Variants in ATP8B4 observed in about 807,000 individuals in gnomAD.
The protein encoded by ATP8B4 is ATPase phospholipid transporting 8B4 (putative).
A neutral mutation model predicts 145.6 loss-of-function variants in ATP8B4; 133 were observed. That is an observed-to-expected ratio of 0.91 (90% CI 0.79 to 1.05). ATP8B4 has a LOEUF of 1.05. Ranked by LOEUF, ATP8B4 falls within the 50% of genes least tolerant of loss-of-function variation. ATP8B4 has a pLI of 0.00. For missense variants in ATP8B4, 1,458 were observed against 1,425.2 expected (o/e 1.02, Z -0.37); for synonymous variants, 507 against 492.9 (o/e 1.03, Z -0.38).
chr15:49,966,697 C>T (rs2044579994), intron 13 of ATP8B4, among the ~76,000 whole-genome samples: 1 of 152,196 alleles, frequency 6.6e-6, no homozygotes, highest in African/African-American at 2.4e-5. Flanking sequence ...GCAGCGTCAG[C>T]AGAATTATAT....
At position 50,041,537 on chromosome 15, in the gene ATP8B4, A is replaced by G. The variant is rs1600008731; in HGVS notation, c.301-2708T>C. Among the ~76,000 whole-genome samples the G allele has an allele frequency of 2.0e-5, 3 of 152,320 alleles. No homozygotes were observed. The South Asian group carries it at 6.2e-4, about 32-fold the overall frequency. Reference sequence around the variant, plus strand: ...AGACAATTCTATAAGAAGAGACCCCAAAGTACCTTGAACAACGGCAACCTC... The same window carrying G: ...AGACAATTCTATAAGAAGAGACCCCGAAGTACCTTGAACAACGGCAACCTC... On this transcript the variant is annotated intron_variant, in intron 5 of 27. Coordinates refer to ENST00000284509, the MANE Select transcript of ATP8B4 (RefSeq NM_024837.4).
chr15:50,141,960 C>T (rs985864173), intron 1 of ATP8B4, among the ~76,000 whole-genome samples: 1 of 152,112 alleles, frequency 6.6e-6, no homozygotes, highest in Non-Finnish European at 1.5e-5. Context: ...GAGGAGGGCA[C>T]ATAAGGCTTC....
chr15:50,052,262 C>T (rs1242830359), intron 3 of ATP8B4, among the ~76,000 whole-genome samples: 1 of 152,198 alleles, frequency 6.6e-6, no homozygotes, highest in East Asian at 1.9e-4. Flanking sequence ...GAAGTACTTT[C>T]CCACCATGAA....
At chr15:49,969,738 T>C (rs963115645) in intron 13 of ATP8B4, among the ~76,000 whole-genome samples, 1 of 151,922 alleles carries the variant, frequency 6.6e-6, no homozygotes, top group Non-Finnish European at 1.5e-5. Flanking sequence ...TTCCAAACAA[T>C]AGAAATGGAG....
intron 6 of ATP8B4, among the ~76,000 whole-genome samples, chr15:50,017,210 T>G (rs528192699): frequency 6.6e-6 from 1 of 152,292 alleles, no homozygotes; most frequent in African/African-American, 2.4e-5. Flanking sequence ...TTGCCAACAG[T>G]ACAATAAAGT....
intron 3 of ATP8B4, among the ~76,000 whole-genome samples, chr15:50,048,014 T>C (rs988605302): frequency 6.6e-6 from 1 of 151,916 alleles, no homozygotes; most frequent in Non-Finnish European, 1.5e-5. Flanking sequence ...TATAACTTCT[T>C]TTTTTTTAAT....
intron 3 of ATP8B4, among the ~76,000 whole-genome samples, chr15:50,068,317 T>C (rs1052983992): frequency 6.6e-6 from 1 of 152,214 alleles, no homozygotes; most frequent in Admixed American, 6.5e-5. Context: ...TCAACCACAT[T>C]GTTGCACTGA....
intron 25 of ATP8B4, 82 bp downstream of exon 25, chr15:49,876,193 CCAA>C (rs1649520815): frequency 6.6e-7 from 1 of 1,515,732 alleles, no homozygotes. Context: ...TTATTTCCCC[CCAA>C]CAAGTAGACA....
chr15:50,013,469 G>T (rs1355404481), intron 6 of ATP8B4, among the ~76,000 whole-genome samples: 1 of 152,064 alleles, frequency 6.6e-6, no homozygotes, highest in Non-Finnish European at 1.5e-5. Flanking sequence ...GAAGTTATAA[G>T]ATTTTAAAAT....
intron 1 of ATP8B4, among the ~76,000 whole-genome samples, chr15:50,167,365 C>T (rs968876947): frequency 2.6e-5 from 4 of 152,160 alleles, no homozygotes; most frequent in Admixed American, 2.6e-4. Context: ...TTCCAGGCCT[C>T]TCTCATACCT....
rs564268050 is a variant in ATP8B4 at position 50,088,242 on chromosome 15, G to T, written c.29-14057C>A. On this transcript the variant is annotated intron_variant, in intron 2 of 27. Transcript: ENST00000284509. ...CTCTACTAAAAATACAATTAGCTGG[G>T]CGTGGTGGCAGGCGTCTGTAGTCCC... Among the ~76,000 whole-genome samples the T allele has an allele frequency of 3.0e-4, 46 of 152,054 alleles. No homozygotes were observed. The South Asian group carries it at 9.3e-3, about 31-fold the overall frequency.
At chr15:50,035,492 C>A (rs2050766026) in intron 6 of ATP8B4, among the ~76,000 whole-genome samples, 1 of 152,176 alleles carries the variant, frequency 6.6e-6, no homozygotes, top group Non-Finnish European at 1.5e-5. Flanking sequence ...CTCTTACCTG[C>A]CATGAAACCC....
chr15:50,045,855 AT>A (rs1243940667), intron 4 of ATP8B4, among the ~76,000 whole-genome samples: 8 of 152,258 alleles, frequency 5.3e-5, no homozygotes, highest in African/African-American at 1.9e-4. Flanking sequence ...AGAGAAATGA[AT>A]TCAAAATTCT....
rs577630640 is a variant in ATP8B4, at chr15:49,979,925, T to C, written c.838-112A>G. The C allele has an allele frequency of 1.8e-5, 12 of 668,942 alleles. No homozygotes were observed. In the Admixed American group the frequency reaches 2.3e-4, roughly 13 times the overall value. The allele number at this position is 668,942 out of a possible 1,614,324, so 41.4% of individuals were successfully genotyped here. A position where few individuals can be genotyped will look rare whatever the true frequency, so the allele number is the denominator to read the frequency against. On this transcript the variant is annotated intron_variant, in intron 11 of 27. Transcript: ENST00000284509. ...GAAATAGTCATTTGAAAAGCAAGTA[T>C]GCAAACCTCTTCTTACCATTAATCA...
At chr15:49,979,885 C>T (rs72734846) in intron 11 of ATP8B4, 72 bp from the exon 12 acceptor site, 13,620 of 1,083,578 alleles carry the variant, frequency 0.013, 108 homozygotes, top group Non-Finnish European at 0.016. Flanking sequence ...GATCTAATTA[C>T]GCATCTAACT....
intron 2 of ATP8B4, among the ~76,000 whole-genome samples, chr15:50,098,239 T>G (rs2056111263): frequency 1.4e-5 from 2 of 140,982 alleles, no homozygotes; most frequent in Non-Finnish European, 3.0e-5. Flanking sequence ...AATACATGAG[T>G]ACCATACAGT....
At chr15:49,949,120 A>G (rs1360286025) in intron 14 of ATP8B4, among the ~76,000 whole-genome samples, 3 of 151,784 alleles carry the variant, frequency 2.0e-5, no homozygotes, top group Non-Finnish European at 4.4e-5. Flanking sequence ...CAGCCTTGTT[A>G]TTTTTGCTTA....
At chr15:49,968,053 C>T (rs1260391803) in intron 13 of ATP8B4, among the ~76,000 whole-genome samples, 1 of 152,130 alleles carries the variant, frequency 6.6e-6, no homozygotes, top group African/African-American at 2.4e-5. Flanking sequence ...GAAATAAACG[C>T]CTTTACAGAC....
intron 14 of ATP8B4, among the ~76,000 whole-genome samples, chr15:49,934,418 A>G (rs1460724927): frequency 1.3e-5 from 2 of 152,054 alleles, no homozygotes; most frequent in Non-Finnish European, 2.9e-5. Flanking sequence ...ACAAAACTAT[A>G]TGGGATGGCT....
Sources: allele counts gnomAD v4.1 joint callset (sites outside exome capture counted in the v4.1 genomes callset), GRCh38; gene constraint gnomAD v4.1.1; transcripts MANE v1.5; gene names NCBI Gene and HGNC (gene_info 2026-07-23, HGNC 2026-07-21).